VSIG10: variants seen among roughly 807,000 people sequenced by gnomAD.
The protein encoded by VSIG10 is V-set and immunoglobulin domain containing 10.
In VSIG10, 48 loss-of-function variants were observed where a neutral mutation model predicts 58.7. That is an observed-to-expected ratio of 0.82 (90% CI 0.65 to 1.04). The LOEUF (loss-of-function observed/expected upper bound fraction) is 1.04. Among genes scored for constraint, VSIG10 ranks in the 50% least tolerant of loss-of-function variants. The pLI, the probability that VSIG10 is intolerant of heterozygous loss-of-function variation, is 0.00. For synonymous variants in VSIG10, 260 were observed against 267.1 expected (o/e 0.97, Z 0.26); for missense variants, 628 against 670.0 (o/e 0.94, Z 0.69).
At chr12:118,068,305 G>A in intron 8 of VSIG10, 72 bp downstream of exon 8, 2 of 1,522,602 alleles carry the variant, frequency 1.3e-6, no homozygotes, top group Non-Finnish European at 1.8e-6. Context: ...AAAGTGCTGG[G>A]ATTATAGGCG....
At chr12:118,080,006 A>G (rs7979346) in intron 3 of VSIG10, among the ~76,000 whole-genome samples, 72,050 of 151,798 alleles carry the variant, frequency 0.47, 17,387 homozygotes, top group East Asian at 0.6. Context: ...GCTTATTTTT[A>G]TATTTTTAGT....
chr12:118,086,977 G>A (rs1015203932), intron 2 of VSIG10, among the ~76,000 whole-genome samples: 8 of 151,764 alleles, frequency 5.3e-5, no homozygotes, highest in African/African-American at 1.7e-4. Flanking sequence ...TGGCCAAGGC[G>A]GTTTCAAACT....
intron 2 of VSIG10, among the ~76,000 whole-genome samples, chr12:118,088,136 T>C (rs1246468743): frequency 6.7e-6 from 1 of 149,856 alleles, no homozygotes; most frequent in East Asian, 2.0e-4. Context: ...TCCCAGCTAC[T>C]CGGGAACCTA....
chr12:118,095,413 G>C lies in VSIG10; in HGVS notation c.361+120C>G. The stretch of plus-strand genomic sequence containing the variant: ...TGAGAGGTCCCTCAGCTTCCATGTG[G>C]CAGGGCCCAGAATGATTTCCAGGCC... On this transcript the variant is annotated intron_variant, in intron 2 of 8. Coordinates refer to ENST00000359236, the MANE Select transcript of VSIG10 (RefSeq NM_019086.6). The C allele has an allele frequency of 3.1e-6, 4 of 1,282,654 alleles. No homozygotes were observed. In the South Asian group the frequency reaches 5.7e-5, roughly 18 times the overall value. The allele number at this position is 1,282,654 out of a possible 1,614,324, so 79.5% of individuals were successfully genotyped here. A position where few individuals can be genotyped will look rare whatever the true frequency, so the allele number is the denominator to read the frequency against.
intron 4 of VSIG10, among the ~76,000 whole-genome samples, chr12:118,074,211 C>T (rs1282903038): frequency 6.6e-6 from 1 of 151,748 alleles, no homozygotes; most frequent in South Asian, 2.1e-4. Context: ...CTCAGCCTCC[C>T]GAGCTGGGAT....
chr12:118,081,908 T>A (rs1414171734), intron 3 of VSIG10, among the ~76,000 whole-genome samples: 1 of 151,312 alleles, frequency 6.6e-6, no homozygotes, highest in Admixed American at 6.6e-5. Context: ...CCCAGCTACC[T>A]CGGGAGGCTG....
At chr12:118,078,812 GCCTGTAGT>G (rs1469440472) in intron 4 of VSIG10, among the ~76,000 whole-genome samples, 1 of 151,430 alleles carries the variant, frequency 6.6e-6, no homozygotes, top group Non-Finnish European at 1.5e-5. Context: ...GATGGTGCAC[GCCTGTAGT>G]CCCAGCTACT....
chr12:118,099,212 A>T (rs1305429355), intron 1 of VSIG10, among the ~76,000 whole-genome samples: 1 of 151,770 alleles, frequency 6.6e-6, no homozygotes, highest in Non-Finnish European at 1.5e-5. Context: ...CACAATTGTG[A>T]CACTGCACTC....
chr12:118,089,415 T>A (rs998235736), intron 2 of VSIG10, among the ~76,000 whole-genome samples: 1 of 152,172 alleles, frequency 6.6e-6, no homozygotes, highest in Non-Finnish European at 1.5e-5. Context: ...AAGAGAGTGA[T>A]GATAAAGAAA....
At chr12:118,069,141 G>C (rs1593489567) in intron 7 of VSIG10, among the ~76,000 whole-genome samples, 1 of 151,964 alleles carries the variant, frequency 6.6e-6, no homozygotes, top group Non-Finnish European at 1.5e-5. Context: ...CCAGGCTAGA[G>C]TGCAGTGGCG....
chr12:118,084,530 CA>C (rs1319176138), intron 2 of VSIG10, among the ~76,000 whole-genome samples: 1 of 152,132 alleles, frequency 6.6e-6, no homozygotes, highest in African/African-American at 2.4e-5. Flanking sequence ...GACTGCCACG[CA>C]AAGAGCCCAT....
chr12:118,068,045 T>TTTTTTTTC (rs71450254), intron 8 of VSIG10, among the ~76,000 whole-genome samples: 1 of 141,190 alleles, frequency 7.1e-6, no homozygotes, highest in Admixed American at 7.5e-5. Context: ...TTTTTTTTTT[T>TTTTTTTTC]CTGAGGCAGG....
chr12:118,066,808 G>T, intron 8 of VSIG10, 114 bp from the exon 9 acceptor site: 1 of 1,145,450 alleles, frequency 8.7e-7, no homozygotes, highest in Non-Finnish European at 1.2e-6. Context: ...GCCACAGAAT[G>T]GGATCTCATG....
chr12:118,096,723 A>G (rs556540124), intron 1 of VSIG10, among the ~76,000 whole-genome samples: 14 of 149,860 alleles, frequency 9.3e-5, no homozygotes, highest in African/African-American at 2.9e-4. Flanking sequence ...GCCTGACCAT[A>G]TGTGTTCTTA....
At position 118,077,916 on chromosome 12, in the gene VSIG10, T is replaced by C. The variant is rs532931829; in HGVS notation, c.925+1430A>G. ...AAGACAAACCATCCCCAATGCCCAC[T>C]GTGCCCTCTCTGAATTCCTGACCCA... On this transcript the variant is annotated intron_variant, in intron 4 of 8. Transcript: ENST00000359236. Among the ~76,000 whole-genome samples the C allele has an allele frequency of 7.9e-5, 12 of 152,310 alleles. No individual in the cohort carries two copies. The East Asian group carries it at 1.7e-3, about 22-fold the overall frequency.
intron 1 of VSIG10, among the ~76,000 whole-genome samples, chr12:118,096,500 C>G (rs542918247): frequency 6.6e-6 from 1 of 150,990 alleles, no homozygotes; most frequent in Non-Finnish European, 1.5e-5. Flanking sequence ...ATCGCTTGAA[C>G]CTGGGAAGCA....
chr12:118,091,917 C>A (rs148380960), intron 2 of VSIG10, among the ~76,000 whole-genome samples: 2,351 of 152,178 alleles, frequency 0.015, 23 homozygotes, highest in Middle Eastern at 0.031. Flanking sequence ...ACCACCACAC[C>A]TGGCTAATTT....
intron 5 of VSIG10, among the ~76,000 whole-genome samples, chr12:118,071,812 G>A (rs1414432383): frequency 1.3e-5 from 2 of 152,352 alleles, no homozygotes; most frequent in African/African-American, 2.4e-5. Context: ...GTCCAGGAAC[G>A]GGTCCACACG....
chr12:118,098,227 CTGCCTCTCCCTCTCT>C (rs2033520906), intron 1 of VSIG10, among the ~76,000 whole-genome samples: 1 of 151,222 alleles, frequency 6.6e-6, no homozygotes, highest in Non-Finnish European at 1.5e-5. Context: ...ACTGCTCTCT[CTGCCTCTCCCTCTCT>C]CTCCGCCTCT....
Sources: allele counts gnomAD v4.1 joint callset (sites outside exome capture counted in the v4.1 genomes callset), GRCh38; gene constraint gnomAD v4.1.1; transcripts MANE v1.5; gene names NCBI Gene and HGNC (gene_info 2026-07-23, HGNC 2026-07-21).